SULF2: variants seen among roughly 807,000 people sequenced by gnomAD.
SULF2 encodes the protein extracellular sulfatase Sulf-2.
Under a neutral mutation model 107.7 loss-of-function variants are expected in SULF2, and 52 were observed. The ratio of observed to expected loss-of-function variants is 0.48; its 90% confidence interval spans 0.39 to 0.61. The LOEUF (loss-of-function observed/expected upper bound fraction) is 0.61. Ranked by LOEUF, SULF2 falls within the 20% of genes least tolerant of loss-of-function variation. The probability of loss-of-function intolerance (pLI) is 0.00; values close to 1 mark genes in which losing one functional copy is unlikely to be tolerated. For synonymous variants in SULF2, 460 were observed against 464.3 expected (o/e 0.99, Z 0.12); for missense variants, 993 against 1,177.3 (o/e 0.84, Z 2.29).
chr20:47,757,150 C>T lies in SULF2; in HGVS notation c.175+39G>A, dbSNP rs780502755. 1.8e-5 allele frequency: 27 copies of T among 1,516,526 alleles called. 1 individual carries two copies. The East Asian group carries it at 3.7e-4, about 21-fold the overall frequency. 93.9% of individuals were successfully genotyped at this position (1,516,526 alleles called of 1,614,324 possible). On this transcript the variant is annotated intron_variant, in intron 2 of 20. Transcript: ENST00000688720. ...TCAGCCTAACCCAGGGACCCTGCTC[C>T]GAGGGGCCGAGGTGCCACCCTGGGG...
chr20:47,675,406 C>A (rs1022020006), intron 10 of SULF2, among the ~76,000 whole-genome samples: 1 of 152,024 alleles, frequency 6.6e-6, no homozygotes, highest in Non-Finnish European at 1.5e-5. Context: ...AGCTCCTGCC[C>A]GGTGGCAGAT....
At position 47,694,691 on chromosome 20, in the gene SULF2, C is replaced by T. The variant is rs2088315720; in HGVS notation, c.568-4396G>A. On this transcript the variant is annotated intron_variant, in intron 4 of 20. Transcript: ENST00000688720. This position sits in a 1 kb window ranked among gnomAD's most constrained non-coding sequence, Gnocchi z 4.4. The stretch of plus-strand genomic sequence containing the variant: ...GCTTCACCGACTGAGTAGCTAGTGT[C>T]TGCGGAGACTGCCAGCCTCAGCCCT... Among the ~76,000 whole-genome samples, 1 of 152,206 alleles carries T rather than the reference C, an allele frequency of 6.6e-6. No individual in the cohort carries two copies. Among genetic ancestry groups the T allele is most frequent in the African/African-American group, 2.4e-5 (1 of 41,450 alleles).
chr20:47,682,840 A>G (rs1469604610), intron 7 of SULF2, among the ~76,000 whole-genome samples, 154 bp downstream of exon 7: 1 of 152,168 alleles, frequency 6.6e-6, no homozygotes, highest in East Asian at 1.9e-4. Context: ...GCAGAGGGAT[A>G]TAACATGCAT....
chr20:47,662,442 A>G (rs1365468219), intron 17 of SULF2, among the ~76,000 whole-genome samples: 1 of 152,240 alleles, frequency 6.6e-6, no homozygotes, highest in African/African-American at 2.4e-5. Flanking sequence ...TTTAAACATC[A>G]GATTTCATTT....
At position 47,725,641 on chromosome 20, in the gene SULF2, G is replaced by A. The variant is rs181142134; in HGVS notation, c.415+11062C>T. Reference sequence around the variant, plus strand: ...TCCATCCCTCAGGTGTGTTTGCTGTGGGCCTGCCCGGTGTTTTCAGTTGCT... The same window carrying A: ...TCCATCCCTCAGGTGTGTTTGCTGTAGGCCTGCCCGGTGTTTTCAGTTGCT... On this transcript the variant is annotated intron_variant, in intron 3 of 20. Coordinates refer to ENST00000688720, the MANE Select transcript of SULF2 (RefSeq NM_001387048.1). 8.7e-4 allele frequency among the ~76,000 whole-genome samples: 132 copies of A among 152,310 alleles called. 2 individuals carry two copies. The Middle Eastern group carries it at 0.014, about 16-fold the overall frequency.
At chr20:47,672,151 C>G (rs576310384) in intron 11 of SULF2, 47 bp downstream of exon 11, 28 of 1,550,204 alleles carry the variant, frequency 1.8e-5, no homozygotes, top group Non-Finnish European at 2.4e-5. Context: ...GCCCCCCAGG[C>G]ATGGTCTCTC....
chr20:47,669,234 C>T (rs1297675208), intron 11 of SULF2, among the ~76,000 whole-genome samples: 1 of 152,196 alleles, frequency 6.6e-6, no homozygotes, highest in Non-Finnish European at 1.5e-5. Flanking sequence ...TCCTCGTCCC[C>T]TTCTCCTGTT....
At chr20:47,733,738 A>G (rs920116718) in intron 3 of SULF2, among the ~76,000 whole-genome samples, 1 of 152,194 alleles carries the variant, frequency 6.6e-6, no homozygotes, top group African/African-American at 2.4e-5. Context: ...GTGCCACTGC[A>G]CTCCAGTCTG....
At chr20:47,700,893 G>A (rs11907342) in intron 4 of SULF2, among the ~76,000 whole-genome samples, 71,876 of 151,942 alleles carry the variant, frequency 0.47, 17,561 homozygotes, top group Middle Eastern at 0.56. Flanking sequence ...TGATCCACCC[G>A]CCTCAGTCTC....
intron 2 of SULF2, among the ~76,000 whole-genome samples, chr20:47,753,773 C>A (rs1353641230): frequency 2.0e-5 from 3 of 152,178 alleles, no homozygotes; most frequent in Non-Finnish European, 4.4e-5. Context: ...CCTGCTGGAG[C>A]CCCAGAGGCT....
In SULF2 at chr20:47,683,161, G is replaced by A; in HGVS notation, c.897C>T (p.Asn299=). The change falls in exon 7 of 21, where the codon AAC becomes AAT. Residue 299 remains asparagine, a synonymous_variant. Coordinates refer to ENST00000688720, the MANE Select transcript of SULF2 (RefSeq NM_001387048.1). The part of the protein sequence containing the change: ...SVDDSMETIY[N]MLVETGELDN... The stretch of plus-strand genomic sequence containing the variant: ...CCAGCTCGCCCGTCTCAACCAGCAT[G>A]TTGTAAATCTGCAACACGGGCGAGG... 1 of 1,597,484 alleles carries A rather than the reference G, an allele frequency of 6.3e-7. No individual in the cohort carries two copies. The highest frequency in any genetic ancestry group is 8.6e-7 in the Non-Finnish European group (1 of 1,167,082).
chr20:47,747,891 A>G (rs1039956296), intron 2 of SULF2, among the ~76,000 whole-genome samples: 1 of 151,894 alleles, frequency 6.6e-6, no homozygotes, highest in Admixed American at 6.6e-5. Context: ...CGACCTTCCA[A>G]GCAGCACCGG....
chr20:47,713,569 C>A (rs935124793), intron 3 of SULF2, among the ~76,000 whole-genome samples: 1 of 151,858 alleles, frequency 6.6e-6, no homozygotes, highest in Non-Finnish European at 1.5e-5. Flanking sequence ...GGGGCAGCAA[C>A]AAATGAGATT....
chr20:47,763,578 G>T (rs2090461216), intron 1 of SULF2, among the ~76,000 whole-genome samples: 1 of 152,158 alleles, frequency 6.6e-6, no homozygotes, highest in Non-Finnish European at 1.5e-5. Context: ...ATGAAAGGCG[G>T]GAAGAAAGCA....
At chr20:47,739,622 G>A (rs144396476) in intron 2 of SULF2, among the ~76,000 whole-genome samples, 2 of 152,072 alleles carry the variant, frequency 1.3e-5, no homozygotes, top group Non-Finnish European at 2.9e-5. Context: ...CTGCTTCCCC[G>A]CTCCGTGTCT....
At chr20:47,684,397 C>T in intron 6 of SULF2, 34 bp downstream of exon 6, 1 of 1,573,498 alleles carries the variant, frequency 6.4e-7, no homozygotes, top group Non-Finnish European at 8.6e-7. Context: ...GGTTCGGAGC[C>T]ACGCCCACCA....
At chr20:47,741,754 C>A (rs1457791526) in intron 2 of SULF2, among the ~76,000 whole-genome samples, 1 of 152,154 alleles carries the variant, frequency 6.6e-6, no homozygotes, top group Non-Finnish European at 1.5e-5. Flanking sequence ...GGTCTCCAGA[C>A]CCTGCAGAAA....
In SULF2 at chr20:47,684,424, C is replaced by A. The variant is rs199911603; in HGVS notation, c.888+7G>T. ...CGCCCACCAAGAGGCATGCAGCGGG[C>A]GCCTACCGTCTCCATGGAGTCGTCC... On this transcript the variant is annotated splice_region_variant and intron_variant, in intron 6 of 20. Transcript: ENST00000688720. 4 of 1,603,612 alleles carry A rather than the reference C, an allele frequency of 2.5e-6. No homozygotes were observed. The highest frequency in any genetic ancestry group is 2.7e-5 in the African/African-American group (2 of 74,470).
intron 4 of SULF2, among the ~76,000 whole-genome samples, chr20:47,691,234 G>C (rs1487080074): frequency 6.6e-6 from 1 of 152,188 alleles, no homozygotes; most frequent in Admixed American, 6.5e-5. Flanking sequence ...AACCAAGGTA[G>C]TTAAAAGTTA....
Sources: gnomAD v4.1 joint callset for allele counts (sites outside exome capture counted in the v4.1 genomes callset) on GRCh38, gnomAD v4.1.1 for gene constraint, Gnocchi (gnomAD v3.1) non-coding constraint, MANE v1.5 for transcripts, NCBI Gene and HGNC (gene_info 2026-07-23, HGNC 2026-07-21) for gene names.